CACNA2D3: variants seen among roughly 807,000 people sequenced by gnomAD.
CACNA2D3 encodes the protein calcium voltage-gated channel auxiliary subunit alpha2delta 3.
CACNA2D3 carries 60 observed loss-of-function variants against 160.6 expected under a neutral mutation model. That is an observed-to-expected ratio of 0.37 (90% confidence interval 0.30 to 0.46). CACNA2D3 has a LOEUF of 0.46. Among genes scored for constraint, CACNA2D3 ranks in the 20% least tolerant of loss-of-function variants. The pLI is 1.00. For missense variants in CACNA2D3, 1,205 were observed against 1,365.0 expected, an observed-to-expected ratio of 0.88 and a Z score of 1.85; for synonymous variants, 558 against 492.9, an observed-to-expected ratio of 1.13 and a Z score of -1.75.
chr3:54,223,193 CGTT>C (rs1407081588), intron 2 of CACNA2D3, among the ~76,000 whole-genome samples: 2 of 152,128 alleles, frequency 1.3e-5, no homozygotes, highest in Non-Finnish European at 2.9e-5. Flanking sequence ...AGAATTGTGT[CGTT>C]AGGTGATTTT....
intron 14 of CACNA2D3, 135 bp downstream of exon 14, chr3:54,817,005 G>A: frequency 1.9e-6 from 2 of 1,039,620 alleles, no homozygotes; most frequent in Middle Eastern, 2.1e-4. Flanking sequence ...CCTGAAGTTG[G>A]GCAGGAACAG....
intron 10 of CACNA2D3, chr3:54,638,280 A>G (rs1699423907): frequency 6.6e-6 from 1 of 152,098 alleles, no homozygotes; most frequent in East Asian, 1.9e-4. Flanking sequence ...ACTGGGCTAG[A>G]TTTTTATATT....
At chr3:54,198,734 C>T (rs1267253587) in intron 2 of CACNA2D3, among the ~76,000 whole-genome samples, 2 of 152,246 alleles carry the variant, frequency 1.3e-5, no homozygotes, top group African/African-American at 4.8e-5. Context: ...CGGGGGGTTA[C>T]TGCCTCTCTG....
At position 54,871,272 on chromosome 3, in the gene CACNA2D3, G is replaced by C. The variant is rs190345109; in HGVS notation, c.1627-267G>C. 1.8e-4 allele frequency among the ~76,000 whole-genome samples: 28 copies of C among 151,830 alleles called. No homozygotes were observed. The East Asian group carries it at 5.1e-3, about 27-fold the overall frequency. On this transcript the variant is annotated intron_variant, in intron 17 of 37. Transcript: ENST00000474759. ...ATTTTCCTTTGCATCTGGTGTTTTG[G>C]AAACCAAGAAGTCTACAAGGTAAAT... is the stretch of plus-strand genomic sequence containing the variant.
intron 3 of CACNA2D3, among the ~76,000 whole-genome samples, chr3:54,336,379 A>T (rs1704379064): frequency 6.6e-6 from 1 of 152,084 alleles, no homozygotes; most frequent in Admixed American, 6.6e-5. Context: ...CTGCAGGTTA[A>T]ACAGAATGTT....
Position 54,896,841 on chromosome 3 carries a change from G to A in CACNA2D3, c.2339G>A (p.Ser780Asn). Residue 780 changes from serine (S) to asparagine (N), a missense_variant, in exon 26 of 38, where the codon AGC (serine) becomes AAC (asparagine). By Grantham distance (46) the Ser-to-Asn change is conservative. This residue lies in a region of CACNA2D3 where 911 missense variants were observed against 1,002.2 expected (regional missense o/e 0.91). Transcript: ENST00000474759. ...YRRAAEQIPGSFVYSIPFSTG... is the reference protein window; with the variant it reads ...YRRAAEQIPGNFVYSIPFSTG... Reference sequence around the variant, plus strand: ...AGAGCCGCTGAGCAGATTCCAGGGAGCTTCGTCTACTCGATCCCATTCAGC... The same window carrying A: ...AGAGCCGCTGAGCAGATTCCAGGGAACTTCGTCTACTCGATCCCATTCAGC... The A allele has an allele frequency of 6.2e-7, 1 of 1,614,002 alleles. No homozygotes were observed. Among genetic ancestry groups the A allele is most frequent in the South Asian group, 1.1e-5 (1 of 91,080 alleles).
chr3:54,893,771 C>A (rs1185383801), intron 25 of CACNA2D3, among the ~76,000 whole-genome samples: 1 of 140,574 alleles, frequency 7.1e-6, no homozygotes, highest in East Asian at 2.0e-4. Context: ...TTGGCCGTCA[C>A]CCCCAATAGT....
Position 54,774,448 on chromosome 3 carries a change from GCACT to G in CACNA2D3, c.1380+10107_1380+10110del, listed in dbSNP as rs997000875. On this transcript the variant is annotated intron_variant, in intron 13 of 37. Coordinates refer to ENST00000474759, the MANE Select transcript of CACNA2D3 (RefSeq NM_018398.3). ...ACTTTTGAGCAACCAGATCTCGTGA[GCACT>G]CACTCACTCTCAGGAGAACAGCAAG... 3.3e-5 allele frequency among the ~76,000 whole-genome samples: 5 copies of G among 151,908 alleles called. No homozygotes were observed. The East Asian group carries it at 5.8e-4, about 18-fold the overall frequency.
intron 23 of CACNA2D3, 59 bp downstream of exon 23, chr3:54,885,645 A>C: frequency 2.2e-6 from 3 of 1,367,532 alleles, no homozygotes; most frequent in South Asian, 1.2e-5. Flanking sequence ...GAATGAACTC[A>C]AAACATTTTT....
At chr3:54,307,313 A>T (rs138161832) in intron 2 of CACNA2D3, among the ~76,000 whole-genome samples, 118 of 152,290 alleles carry the variant, frequency 7.7e-4, no homozygotes, top group African/African-American at 2.6e-3. Context: ...GATGGCTCTG[A>T]TGTATAAGAA....
At chr3:54,596,333 C>CTTCCACATGAAG (rs1702954129) in intron 9 of CACNA2D3, among the ~76,000 whole-genome samples, 1 of 152,160 alleles carries the variant, frequency 6.6e-6, no homozygotes, top group African/African-American at 2.4e-5. Context: ...AGTGCATGTG[C>CTTCCACATGAAG]TTCCACATGA....
intron 16 of CACNA2D3, among the ~76,000 whole-genome samples, chr3:54,845,156 G>T (rs539114745): frequency 9.6e-4 from 53 of 55,080 alleles, no homozygotes; most frequent in African/African-American, 5.1e-3. Flanking sequence ...GCTGTGCAAG[G>T]TAACTCCAGG....
intron 2 of CACNA2D3, among the ~76,000 whole-genome samples, chr3:54,149,960 T>C (rs1162080716): frequency 2.5e-5 from 2 of 81,236 alleles, no homozygotes; most frequent in Admixed American, 1.7e-4. Flanking sequence ...TCCCTCCCTC[T>C]TCCTCCCCCC....
chr3:54,179,473 C>G (rs1700740326), intron 2 of CACNA2D3, among the ~76,000 whole-genome samples: 1 of 152,208 alleles, frequency 6.6e-6, no homozygotes, highest in Admixed American at 6.5e-5. Context: ...TCTAAGGCAG[C>G]TGTCTACGCC....
chr3:55,009,417 G>T lies in CACNA2D3; in HGVS notation c.2849G>T (p.Trp950Leu). 1.2e-6 allele frequency: 2 copies of T among 1,613,898 alleles called. No homozygotes were observed. Among genetic ancestry groups the T allele is most frequent in the Non-Finnish European group, 1.7e-6 (2 of 1,179,814 alleles). The change falls in exon 34 of 38, where the codon TGG (tryptophan) becomes TTG (leucine). Residue 950 changes from tryptophan to leucine, a missense_variant. Around this residue, in one of 3 missense-constraint regions of CACNA2D3, gnomAD observed 911 missense variants for 1,002.2 expected, o/e 0.91. Coordinates refer to ENST00000474759, the MANE Select transcript of CACNA2D3 (RefSeq NM_018398.3). Reference sequence around the variant, plus strand: ...CTGGTGGAATTTAACCTCTGCAGTTGGTGGCACTCCGATATGACAGCTAAA... The same window carrying T: ...CTGGTGGAATTTAACCTCTGCAGTTTGTGGCACTCCGATATGACAGCTAAA... ...LFLVEFNLCS[W>L]WHSDMTAKAQ...
chr3:54,458,982 C>T (rs1028749697), intron 4 of CACNA2D3, among the ~76,000 whole-genome samples: 3 of 151,980 alleles, frequency 2.0e-5, no homozygotes, highest in South Asian at 2.1e-4. Flanking sequence ...TCCATATGTT[C>T]TCATTGTTCA....
chr3:54,491,647 T>A (rs1281290317), intron 4 of CACNA2D3, among the ~76,000 whole-genome samples: 1 of 152,204 alleles, frequency 6.6e-6, no homozygotes, highest in Admixed American at 6.5e-5. Flanking sequence ...GCGGGCCATG[T>A]CCTGCCAGCT....
intron 13 of CACNA2D3, among the ~76,000 whole-genome samples, chr3:54,787,395 A>G (rs148421700): frequency 7.2e-5 from 11 of 152,308 alleles, no homozygotes; most frequent in African/African-American, 2.6e-4. Flanking sequence ...AAGAATCTGG[A>G]CCAGAAGCAC....
At chr3:55,043,678 G>A (rs1164605461) in intron 35 of CACNA2D3, among the ~76,000 whole-genome samples, 1 of 152,028 alleles carries the variant, frequency 6.6e-6, no homozygotes. Flanking sequence ...TTAATGGATT[G>A]TACTTTTGTT....
Sources: gnomAD v4.1 joint callset for allele counts (sites outside exome capture counted in the v4.1 genomes callset) on GRCh38, gnomAD v4.1.1 for gene constraint, gnomAD v4.1.1 regional missense constraint, MANE v1.5 for transcripts, NCBI Gene and HGNC (gene_info 2026-07-23, HGNC 2026-07-21) for gene names.